Variants in SLC9A8 observed in about 807,000 individuals in gnomAD.
The protein encoded by SLC9A8 is solute carrier family 9 member A8.
SLC9A8 carries 48 observed loss-of-function variants against 66.6 expected under a neutral mutation model. That is an observed-to-expected ratio of 0.72 (90% CI 0.57 to 0.92). The LOEUF (loss-of-function observed/expected upper bound fraction) is 0.92, where lower values mean the gene tolerates loss of function less well. Ranked by LOEUF, SLC9A8 falls within the 40% of genes least tolerant of loss-of-function variation. The pLI is 0.00. For synonymous variants in SLC9A8, 274 were observed against 282.6 expected (o/e 0.97, Z 0.31); for missense variants, 599 against 747.3 (o/e 0.80, Z 2.31).
At chr20:49,842,684 T>C (rs2087816974) in intron 4 of SLC9A8, among the ~76,000 whole-genome samples, 1 of 152,300 alleles carries the variant, frequency 6.6e-6, no homozygotes, top group African/African-American at 2.4e-5. Flanking sequence ...GGGGAGCCAT[T>C]GCCAAAAGGA....
At chr20:49,829,604 G>C (rs2087087628) in intron 3 of SLC9A8, 2 of 396,508 alleles carry the variant, frequency 5.0e-6, no homozygotes. Context: ...GGATTAAAGT[G>C]AAACAGCTGA....
intron 12 of SLC9A8, 53 bp from the exon 13 acceptor site, chr20:49,880,871 A>C: frequency 8.3e-7 from 1 of 1,206,072 alleles, no homozygotes; most frequent in Admixed American, 1.7e-5. Flanking sequence ...AAGAAGCTTC[A>C]GCTTGAAGAG....
At chr20:49,840,719 AG>A (rs977607768) in intron 4 of SLC9A8, among the ~76,000 whole-genome samples, 19 of 152,210 alleles carry the variant, frequency 1.2e-4, no homozygotes, top group African/African-American at 4.1e-4. Context: ...TAACCACCCA[AG>A]AGTGGGTCAT....
At position 49,872,478 on chromosome 20, in the gene SLC9A8, T is replaced by TTTTG. The variant is rs529578018; in HGVS notation, c.959-2207_959-2204dup. On this transcript the variant is annotated intron_variant, in intron 10 of 15. Transcript: ENST00000361573. ...CACCCTTTTTTTTTTTTTTACAGTT[T>TTTTG]TTTGTTTGTTTGTTTGTTTGTTTTT... is the stretch of plus-strand genomic sequence containing the variant. Among the ~76,000 whole-genome samples the TTTTG allele has an allele frequency of 1.1e-3, 165 of 151,816 alleles. No individual in the cohort carries two copies. In the South Asian group the frequency reaches 0.018, roughly 17 times the overall value.
intron 4 of SLC9A8, among the ~76,000 whole-genome samples, chr20:49,844,339 T>A (rs1411460408): frequency 1.3e-5 from 2 of 152,150 alleles, no homozygotes; most frequent in Non-Finnish European, 2.9e-5. Context: ...GCCATTACCT[T>A]TTTCCTGGAG....
intron 10 of SLC9A8, among the ~76,000 whole-genome samples, chr20:49,869,135 ACT>A (rs2089091432): frequency 6.6e-6 from 1 of 152,112 alleles, no homozygotes; most frequent in Non-Finnish European, 1.5e-5. Flanking sequence ...AGAGAGTGAC[ACT>A]CTGTCAAGGT....
chr20:49,834,405 G>GTATATATATACTGTATA (rs2087418569), intron 3 of SLC9A8, among the ~76,000 whole-genome samples: 1 of 40,870 alleles, frequency 2.4e-5, no homozygotes, highest in South Asian at 6.3e-4. Flanking sequence ...TATATACTGT[G>GTATATATATACTGTATA]TATATATATA....
chr20:49,830,616 A>T (rs2149278), intron 3 of SLC9A8: 3 of 612,824 alleles, frequency 4.9e-6, no homozygotes, highest in Non-Finnish European at 8.9e-6. Context: ...TTCTAATCAC[A>T]GAATGTTGGT....
chr20:49,815,693 C>T (rs999819081), intron 2 of SLC9A8, among the ~76,000 whole-genome samples: 7 of 151,736 alleles, frequency 4.6e-5, no homozygotes, highest in Non-Finnish European at 7.4e-5. Flanking sequence ...TGCAGTGAGC[C>T]GAGATCACGC....
chr20:49,876,120 TAAG>T (rs1196617998), intron 11 of SLC9A8, among the ~76,000 whole-genome samples: 1 of 152,072 alleles, frequency 6.6e-6, no homozygotes, highest in Non-Finnish European at 1.5e-5. Context: ...CTTCAGCAGA[TAAG>T]GAGGCTCAGG....
chr20:49,849,755 ATGGGGCCACTTTG>A (rs1184706257), intron 6 of SLC9A8, 75 bp downstream of exon 6: 10 of 1,173,014 alleles, frequency 8.5e-6, no homozygotes, highest in Non-Finnish European at 1.1e-5. Flanking sequence ...GGAAGGTGAA[ATGGGGCCACTTTG>A]TGGGGCCTGG....
chr20:49,871,180 T>C (rs1568863693), intron 10 of SLC9A8, among the ~76,000 whole-genome samples: 1 of 152,222 alleles, frequency 6.6e-6, no homozygotes, highest in Non-Finnish European at 1.5e-5. Flanking sequence ...TATTGAGTAA[T>C]TAACACAGCG....
intron 10 of SLC9A8, among the ~76,000 whole-genome samples, chr20:49,872,781 G>A (rs1410976317): frequency 2.0e-5 from 3 of 152,064 alleles, no homozygotes; most frequent in Non-Finnish European, 2.9e-5. Context: ...CACCGCGCCC[G>A]GCCGATTTTC....
At chr20:49,832,782 G>T (rs759419049) in intron 3 of SLC9A8, among the ~76,000 whole-genome samples, 1 of 151,894 alleles carries the variant, frequency 6.6e-6, no homozygotes, top group African/African-American at 2.4e-5. Flanking sequence ...CATTCTGGGG[G>T]TGGGGGTGGA....
chr20:49,835,266 T>C (rs2087483921), intron 3 of SLC9A8, among the ~76,000 whole-genome samples: 1 of 151,878 alleles, frequency 6.6e-6, no homozygotes, highest in Non-Finnish European at 1.5e-5. Flanking sequence ...GCATGTTCAA[T>C]GCAGCACCAC....
rs150426859 is a variant in SLC9A8, at chr20:49,884,431, C to T, written c.1491+365C>T. Among the ~76,000 whole-genome samples, 636 of 151,990 alleles carry T rather than the reference C, an allele frequency of 4.2e-3. 3 individuals are homozygous for T. The highest frequency in any genetic ancestry group is 0.015 in the African/African-American group (614 of 41,458). On this transcript the variant is annotated intron_variant, in intron 14 of 15. Transcript: ENST00000361573. ...GGTGTCTGGTGGCCTTGTGACCTGC[C>T]GCAGCCATGGGGGCTGTGGACGACC... is the stretch of plus-strand genomic sequence containing the variant.
chr20:49,825,677 G>A (rs2086890009), intron 3 of SLC9A8, among the ~76,000 whole-genome samples: 1 of 152,086 alleles, frequency 6.6e-6, no homozygotes, highest in East Asian at 1.9e-4. Context: ...GTGGGGGTAG[G>A]GGCGCTCACC....
chr20:49,874,943 G>A, intron 11 of SLC9A8, 122 bp downstream of exon 11: 1 of 722,900 alleles, frequency 1.4e-6, no homozygotes, highest in Non-Finnish European at 2.5e-6. Context: ...CTCAGAGCCA[G>A]ATCCCTCACT....
At chr20:49,871,479 C>G (rs545155312) in intron 10 of SLC9A8, among the ~76,000 whole-genome samples, 1 of 152,176 alleles carries the variant, frequency 6.6e-6, no homozygotes, top group South Asian at 2.1e-4. Context: ...CTTCCTTAAG[C>G]GTATTTTTTC....
Sources: gnomAD v4.1 joint callset for allele counts (sites outside exome capture counted in the v4.1 genomes callset) on GRCh38, gnomAD v4.1.1 for gene constraint, MANE v1.5 for transcripts, NCBI Gene and HGNC (gene_info 2026-07-23, HGNC 2026-07-21) for gene names.